ZNF285: variants seen among roughly 807,000 people sequenced by gnomAD.
ZNF285 encodes zinc finger protein 285A.
ZNF285 carries 4 observed loss-of-function variants against 6.2 expected under a neutral mutation model. The observed-to-expected ratio is 0.65, with a 90% CI of 0.32 to 1.49. The LOEUF is 1.49. ZNF285 is among the 40% of genes most tolerant of loss of function. ZNF285 has a pLI of 0.07. For missense variants in ZNF285, 695 were observed against 708.8 expected, an observed-to-expected ratio of 0.98 and a Z score of 0.22; for synonymous variants, 240 against 245.8, an observed-to-expected ratio of 0.98 and a Z score of 0.22.
rs572672375 is a variant in ZNF285 at position 44,384,766 on chromosome 19, A to G, written c.*1706T>C. On this transcript the variant is annotated 3_prime_UTR_variant, in exon 4 of 4. Coordinates refer to ENST00000614994, the MANE Select transcript of ZNF285 (RefSeq NM_152354.6). ...CACTTTGGGAAGCTGAGGTAGGAGG[A>G]TCGCTTGAAACCAGAAGTTTGAGAC... is the stretch of plus-strand genomic sequence containing the variant. 8.5e-5 allele frequency: 13 copies of G among 152,306 alleles called. No individual in the cohort carries two copies. The highest frequency in any genetic ancestry group is 3.1e-4 in the African/African-American group (13 of 41,562). 9.4% of individuals were successfully genotyped at this position (152,306 alleles called of 1,614,324 possible).
In ZNF285 at chr19:44,385,007, A is replaced by G. The variant is rs1034446398; in HGVS notation, c.*1465T>C. On this transcript the variant is annotated 3_prime_UTR_variant, in exon 4 of 4. Coordinates refer to ENST00000614994, the MANE Select transcript of ZNF285 (RefSeq NM_152354.6). ...ACAGCAAGACCCTGTTTCCAAAAAA[A>G]AAAAAAAAAAAAAAAAGCAAAGAGA... The G allele has an allele frequency of 1.4e-5, 2 of 142,780 alleles. No individual in the cohort carries two copies. Among genetic ancestry groups the G allele is most frequent in the African/African-American group, 4.9e-5 (2 of 40,580 alleles). 8.8% of individuals were successfully genotyped at this position (142,780 alleles called of 1,614,324 possible). A position where few individuals can be genotyped will look rare whatever the true frequency, so the allele number is the denominator to read the frequency against.
At chr19:44,396,918 C>A in intron 2 of ZNF285, 1 of 423,874 alleles carries the variant, frequency 2.4e-6, no homozygotes, top group Non-Finnish European at 4.3e-6. Context: ...ACTCTTGATT[C>A]TTTTTCCCTC....
At chr19:44,392,280 T>C (rs1334854692) in intron 3 of ZNF285, 60 bp downstream of exon 3, 17 of 1,608,596 alleles carry the variant, frequency 1.1e-5, no homozygotes, top group Non-Finnish European at 1.3e-5. Context: ...GAATATTCTA[T>C]CTGGTTTGAA....
chr19:44,393,208 G>T (rs1481403784), intron 2 of ZNF285, among the ~76,000 whole-genome samples: 1 of 151,888 alleles, frequency 6.6e-6, no homozygotes, highest in Non-Finnish European at 1.5e-5. Flanking sequence ...TCCCCAACTG[G>T]GTCAATCAAA....
chr19:44,387,496 T>G lies in ZNF285; in HGVS notation c.749A>C (p.His250Pro). Residue 250 changes from histidine to proline, a missense_variant, in exon 4 of 4, where the codon CAT (histidine) becomes CCT (proline). Transcript: ENST00000614994. Reference sequence around the variant, plus strand: ...TTTTTCTCCTAGGTGAGTGCTGTGATGGACATGAGGATCTGTATCATCTGC... The same window carrying G: ...TTTTTCTCCTAGGTGAGTGCTGTGAGGGACATGAGGATCTGTATCATCTGC... ...AFADDTDPHV[H>P]HSTHLGEKSY... 6 of 1,614,048 alleles carry G rather than the reference T, an allele frequency of 3.7e-6. No individual in the cohort carries two copies. The highest frequency in any genetic ancestry group is 5.1e-6 in the Non-Finnish European group (6 of 1,179,912).
chr19:44,389,938 C>T (rs926882837), intron 3 of ZNF285, among the ~76,000 whole-genome samples: 3 of 152,276 alleles, frequency 2.0e-5, no homozygotes, highest in East Asian at 1.9e-4. Flanking sequence ...GGCTCAAATC[C>T]GAGTTCTTCT....
intron 3 of ZNF285, among the ~76,000 whole-genome samples, chr19:44,389,061 T>C (rs1971148581): frequency 6.7e-6 from 1 of 149,912 alleles, no homozygotes; most frequent in African/African-American, 2.5e-5. Context: ...CCAAGGTTCT[T>C]TGTCTTCATG....
intron 2 of ZNF285, 120 bp downstream of exon 2, chr19:44,397,079 A>G: frequency 7.1e-7 from 1 of 1,399,242 alleles, no homozygotes; most frequent in East Asian, 2.3e-5. Context: ...CATTATGAGC[A>G]GATAAAGTAC....
rs904283145 is a variant in ZNF285 at position 44,382,882 on chromosome 19, A to C, written c.*3590T>G. The C allele has an allele frequency of 9.2e-5, 14 of 152,170 alleles. No homozygotes were observed. Among genetic ancestry groups the C allele is most frequent in the African/African-American group, 2.9e-4 (12 of 41,440 alleles). The allele number at this position is 152,170 out of a possible 1,614,324, so 9.4% of individuals were successfully genotyped here. A position where few individuals can be genotyped will look rare whatever the true frequency, so the allele number is the denominator to read the frequency against. The stretch of plus-strand genomic sequence containing the variant: ...CTAACACCTCCCATCAGGAAGAGAA[A>C]GCCGCTGGGAAGTTGAGTTCATGTA... On this transcript the variant is annotated 3_prime_UTR_variant, in exon 4 of 4. Coordinates refer to ENST00000614994, the MANE Select transcript of ZNF285 (RefSeq NM_152354.6).
rs766696510 is a variant in ZNF285 at position 44,388,114 on chromosome 19, AAG to A, written c.143-14_143-13del. The A allele has an allele frequency of 7.5e-6, 12 of 1,604,236 alleles. No homozygotes were observed. Among genetic ancestry groups the A allele is most frequent in the Non-Finnish European group, 1.0e-5 (12 of 1,175,270 alleles). ...TTTAATCCCGTCTCCTAGGAGAAGA[AAG>A]AGAATTTGGCTAAGAGAACAAGTCA... is the stretch of plus-strand genomic sequence containing the variant. On this transcript the variant is annotated splice_polypyrimidine_tract_variant and intron_variant, in intron 3 of 3. Coordinates refer to ENST00000614994, the MANE Select transcript of ZNF285 (RefSeq NM_152354.6).
rs1224649314 is a variant in ZNF285 at position 44,382,602 on chromosome 19, G to A, written c.*3870C>T. On this transcript the variant is annotated 3_prime_UTR_variant, in exon 4 of 4. Coordinates refer to ENST00000614994, the MANE Select transcript of ZNF285 (RefSeq NM_152354.6). ...TAAGTTTTATAGGGAAAACATGTAAGCTAAGGGTCTGGAAGAGAAGGCACA... is the reference window on the plus strand; with the variant it reads ...TAAGTTTTATAGGGAAAACATGTAAACTAAGGGTCTGGAAGAGAAGGCACA... The A allele has an allele frequency of 2.0e-5, 3 of 151,760 alleles. No individual in the cohort carries two copies. Among genetic ancestry groups the A allele is most frequent in the Non-Finnish European group, 4.4e-5 (3 of 68,064 alleles). 9.4% of individuals were successfully genotyped at this position (151,760 alleles called of 1,614,324 possible). A position where few individuals can be genotyped will look rare whatever the true frequency, so the allele number is the denominator to read the frequency against.
intron 3 of ZNF285, among the ~76,000 whole-genome samples, chr19:44,390,078 G>T (rs1396638969): frequency 3.3e-5 from 5 of 152,056 alleles, no homozygotes; most frequent in African/African-American, 1.2e-4. Flanking sequence ...CACGTGTCGT[G>T]TCCCATAATT....
chr19:44,396,517 T>C (rs1254958923), intron 2 of ZNF285: 1 of 152,164 alleles, frequency 6.6e-6, no homozygotes, highest in African/African-American at 2.4e-5. Flanking sequence ...GAGATTATTC[T>C]AACTAATCTG....
Position 44,387,854 on chromosome 19 carries a change from T to C in ZNF285, c.391A>G (p.Lys131Glu). The C allele has an allele frequency of 3.1e-6, 5 of 1,613,998 alleles. No homozygotes were observed. The highest frequency in any genetic ancestry group is 4.2e-6 in the Non-Finnish European group (5 of 1,179,874). The change falls in exon 4 of 4, where the codon AAA becomes GAA. Residue 131 changes from lysine to glutamate, a missense_variant. Lys to Glu is a moderately conservative substitution (Grantham distance 56). Transcript: ENST00000614994. ...NENYVVNAII[K>E]NQDITAWQSL... ...TGCCATGCTGTGATATCTTGATTTT[T>C]GATAATGGCATTTACTACATAGTTT...
intron 3 of ZNF285, among the ~76,000 whole-genome samples, chr19:44,388,420 A>C (rs1342931880): frequency 6.6e-6 from 1 of 151,080 alleles, no homozygotes; most frequent in Non-Finnish European, 1.5e-5. Context: ...ATCTCTACAA[A>C]AAAATTAAAA....
chr19:44,396,311 G>T (rs1416333624), intron 2 of ZNF285, among the ~76,000 whole-genome samples: 1 of 152,086 alleles, frequency 6.6e-6, no homozygotes, highest in Non-Finnish European at 1.5e-5. Context: ...AATACCATTT[G>T]CTCTTTTTGT....
At chr19:44,389,441 G>A (rs1971155545) in intron 3 of ZNF285, among the ~76,000 whole-genome samples, 1 of 152,184 alleles carries the variant, frequency 6.6e-6, no homozygotes, top group African/African-American at 2.4e-5. Flanking sequence ...GCTTTAAGCA[G>A]TGGTTTCCCA....
chr19:44,387,244 T>C lies in ZNF285; in HGVS notation c.1001A>G (p.His334Arg), dbSNP rs141120391. The C allele has an allele frequency of 2.5e-4, 400 of 1,614,150 alleles. No individual in the cohort carries two copies. The African/African-American group carries it at 4.3e-3, about 17-fold the overall frequency. ...GFRRSSSLHNHHRVHTGEMPY... is the reference protein window; with the variant it reads ...GFRRSSSLHNRHRVHTGEMPY... ...CATCTCCCCTGTGTGGACTCGATGA[T>C]GGTTGTGAAGGGAAGAGCTGCGCCT... The change falls in exon 4 of 4, where the codon CAT becomes CGT. Residue 334 changes from histidine (H) to arginine (R), a missense_variant. Physicochemically the swap from His to Arg is conservative, Grantham distance 29. Coordinates refer to ENST00000614994, the MANE Select transcript of ZNF285 (RefSeq NM_152354.6).
intron 3 of ZNF285, among the ~76,000 whole-genome samples, chr19:44,389,425 G>A (rs531624537): frequency 5.3e-5 from 8 of 152,230 alleles, no homozygotes; most frequent in African/African-American, 7.2e-5. Context: ...GAGCTGCCCC[G>A]AATGGGCTTT....
Sources: allele counts gnomAD v4.1 joint callset (sites outside exome capture counted in the v4.1 genomes callset), GRCh38; gene constraint gnomAD v4.1.1; transcripts MANE v1.5; gene names NCBI Gene and HGNC (gene_info 2026-07-23, HGNC 2026-07-21).